JAKMIP3: variants seen among roughly 807,000 people sequenced by gnomAD.
JAKMIP3 encodes janus kinase and microtubule-interacting protein 3.
In JAKMIP3, 58 loss-of-function variants were observed where a neutral mutation model predicts 118.5. That is an observed-to-expected ratio of 0.49 (90% CI 0.40 to 0.61). JAKMIP3 has a LOEUF of 0.61. Among genes scored for constraint, JAKMIP3 ranks in the 20% least tolerant of loss-of-function variants. JAKMIP3 has a pLI of 0.00. For synonymous variants in JAKMIP3, 486 were observed against 451.2 expected, an observed-to-expected ratio of 1.08 and a Z score of -0.98; for missense variants, 950 against 1,109.0, an observed-to-expected ratio of 0.86 and a Z score of 2.04.
chr10:132,115,132 A>G (rs967192848), intron 2 of JAKMIP3, among the ~76,000 whole-genome samples: 1 of 152,182 alleles, frequency 6.6e-6, no homozygotes, highest in Admixed American at 6.5e-5. Context: ...TATCTGTTCA[A>G]ATTAGCGCTG....
intron 23 of JAKMIP3, among the ~76,000 whole-genome samples, chr10:132,172,259 A>T (rs1245797345): frequency 2.6e-5 from 4 of 152,074 alleles, no homozygotes. Context: ...CCCAGGAGTG[A>T]TGGACCCTAA....
intron 19 of JAKMIP3, among the ~76,000 whole-genome samples, chr10:132,157,888 T>C (rs1483641932): frequency 6.6e-6 from 1 of 152,186 alleles, no homozygotes; most frequent in African/African-American, 2.4e-5. Flanking sequence ...CTGGCAGAAT[T>C]TGGGTAATTT....
intron 1 of JAKMIP3, among the ~76,000 whole-genome samples, chr10:132,046,033 A>T (rs2379214): frequency 1.6e-4 from 25 of 151,990 alleles, no homozygotes; most frequent in Admixed American, 1.6e-3. Context: ...ATAAATTCAC[A>T]CACCTGTGTA....
At chr10:132,150,840 A>T (rs1343445714) in intron 16 of JAKMIP3, among the ~76,000 whole-genome samples, 1 of 151,976 alleles carries the variant, frequency 6.6e-6, no homozygotes, top group East Asian at 1.9e-4. Context: ...CAATTCATTT[A>T]TCCGTCCTCC....
At chr10:132,157,041 T>C (rs1052841134) in intron 19 of JAKMIP3, among the ~76,000 whole-genome samples, 3 of 152,140 alleles carry the variant, frequency 2.0e-5, no homozygotes, top group Admixed American at 2.0e-4. Context: ...ACATAGTATC[T>C]TTGCAAAAGC....
In JAKMIP3 at chr10:132,140,443, G is replaced by A. The variant is rs780964724; in HGVS notation, c.1345-8G>A. 1 of 1,613,592 alleles carries A rather than the reference G, an allele frequency of 6.2e-7. No homozygotes were observed. The highest frequency in any genetic ancestry group is 1.1e-5 in the South Asian group (1 of 91,082). ...GTTTGAACTGACACGTCGCATTTTG[G>A]TCACAAGCCGGTGGTTGTGGAGACC... On this transcript the variant is annotated splice_region_variant and splice_polypyrimidine_tract_variant and intron_variant, in intron 9 of 23. Transcript: ENST00000684848.
rs377151206 is a variant in JAKMIP3, at chr10:132,117,469, C to T, written c.528C>T (p.Ile176=). The T allele has an allele frequency of 1.9e-6, 3 of 1,613,726 alleles. No homozygotes were observed. The highest frequency in any genetic ancestry group is 2.5e-6 in the Non-Finnish European group (3 of 1,179,878). The part of the protein sequence containing the change: ...RQVEEALTLV[I]QADKIKAAEI... ...TGGAGGAGGCGCTGACGCTGGTGAT[C>T]CAAGCGGACAAGATCAAGGCCGCAG... is the stretch of plus-strand genomic sequence containing the variant. The change falls in exon 3 of 24, where the codon ATC becomes ATT. Residue 176 remains isoleucine, a synonymous_variant. Coordinates refer to ENST00000684848, the MANE Select transcript of JAKMIP3 (RefSeq NM_001323087.2). This position sits in a 1 kb window ranked among gnomAD's most constrained non-coding sequence, Gnocchi z 8.6.
intron 21 of JAKMIP3, among the ~76,000 whole-genome samples, chr10:132,165,332 G>A (rs549955622): frequency 1.3e-5 from 2 of 152,284 alleles, no homozygotes; most frequent in East Asian, 3.9e-4. Flanking sequence ...AGTCTCTCCC[G>A]GGGTTGCCTG....
At chr10:132,078,619 CGGG>C (rs10568086) in intron 1 of JAKMIP3, among the ~76,000 whole-genome samples, 162 of 134,000 alleles carry the variant, frequency 1.2e-3, no homozygotes, top group Middle Eastern at 4.0e-3. Context: ...TCTCTGGGGG[CGGG>C]GGGGGGGGGG....
chr10:132,054,347 A>G (rs961413367), intron 1 of JAKMIP3, among the ~76,000 whole-genome samples: 2 of 152,148 alleles, frequency 1.3e-5, no homozygotes, highest in African/African-American at 4.8e-5. Flanking sequence ...ATTTAAAAAA[A>G]GGGCGTGTGT....
At chr10:132,042,427 C>G (rs1238892248) in intron 1 of JAKMIP3, among the ~76,000 whole-genome samples, 2 of 152,122 alleles carry the variant, frequency 1.3e-5, no homozygotes, top group Non-Finnish European at 2.9e-5. Context: ...ATGCTGGTCT[C>G]GAACTCCTGG....
At chr10:132,152,895 C>G in intron 16 of JAKMIP3, 63 bp from the exon 17 acceptor site, 1 of 1,332,840 alleles carries the variant, frequency 7.5e-7, no homozygotes, top group Non-Finnish European at 1.1e-6. Flanking sequence ...ATGCATCCAT[C>G]ACTCACCCTC....
intron 1 of JAKMIP3, among the ~76,000 whole-genome samples, chr10:132,042,492 G>T (rs1377849606): frequency 6.6e-6 from 1 of 152,200 alleles, no homozygotes; most frequent in Non-Finnish European, 1.5e-5. Context: ...CCAGGCGTGA[G>T]CCACGGCGCC....
chr10:132,126,915 T>C (rs993307425), intron 3 of JAKMIP3, among the ~76,000 whole-genome samples: 1 of 152,194 alleles, frequency 6.6e-6, no homozygotes, highest in South Asian at 2.1e-4. Context: ...TATAATGTCC[T>C]TGCCAAGTTA....
At chr10:132,159,726 G>GTC (rs2057748346) in intron 19 of JAKMIP3, among the ~76,000 whole-genome samples, 3 of 64,744 alleles carry the variant, frequency 4.6e-5, no homozygotes, top group Non-Finnish European at 8.4e-5. Context: ...CTGGGGGCAT[G>GTC]TCTTCCTGTG....
chr10:132,110,834 G>T (rs1284460524), intron 2 of JAKMIP3, among the ~76,000 whole-genome samples: 1 of 152,248 alleles, frequency 6.6e-6, no homozygotes, highest in Non-Finnish European at 1.5e-5. Flanking sequence ...AACCGCAGGG[G>T]CGTGAACTCG....
intron 1 of JAKMIP3, among the ~76,000 whole-genome samples, chr10:132,080,101 G>A (rs980092912): frequency 1.3e-5 from 2 of 152,198 alleles, no homozygotes; most frequent in Non-Finnish European, 2.9e-5. Flanking sequence ...AATTGCTTGA[G>A]CCCAGAAGTT....
At chr10:132,082,822 G>A (rs1035295355) in intron 1 of JAKMIP3, among the ~76,000 whole-genome samples, 3 of 152,170 alleles carry the variant, frequency 2.0e-5, no homozygotes, top group Admixed American at 2.0e-4. Context: ...TGTTGGCCAG[G>A]ATGGTCTCGA....
Position 132,117,404 on chromosome 10 carries a change from C to T in JAKMIP3, c.463C>T (p.Gln155Ter). 1.9e-6 allele frequency: 3 copies of T among 1,614,006 alleles called. No homozygotes were observed. Among genetic ancestry groups the T allele is most frequent in the East Asian group, 2.2e-5 (1 of 44,864 alleles). The change falls in exon 3 of 24, where the codon CAG becomes TAG. Residue 155 changes from glutamine (Q) to a stop codon, truncating the protein, a stop_gained. Coordinates refer to ENST00000684848, the MANE Select transcript of JAKMIP3 (RefSeq NM_001323087.2). LOFTEE classifies it high-confidence loss of function. This position sits in a 1 kb window ranked among gnomAD's most constrained non-coding sequence, Gnocchi z 8.6. Reference protein sequence around the residue: ...KGFEVEKVKMQQEISELKGAK... With the variant: ...KGFEVEKVKM ...GTTCGAGGTGGAGAAGGTCAAGATG[C>T]AGCAGGAGATCTCCGAGCTCAAGGG...
Sources: gnomAD v4.1 joint callset for allele counts (sites outside exome capture counted in the v4.1 genomes callset) on GRCh38, gnomAD v4.1.1 for gene constraint, Gnocchi (gnomAD v3.1) non-coding constraint, MANE v1.5 for transcripts, NCBI Gene and HGNC (gene_info 2026-07-23, HGNC 2026-07-21) for gene names.